ACTN4: variants seen among roughly 807,000 people sequenced by gnomAD.
ACTN4 encodes the protein actinin alpha 4, also known as alpha-actinin-4.
Under a neutral mutation model 114.2 loss-of-function variants are expected in ACTN4, and 18 were observed. That is an observed-to-expected ratio of 0.16 (90% CI 0.11 to 0.23). ACTN4 has a LOEUF of 0.23. Among genes scored for constraint, ACTN4 ranks in the 10% least tolerant of loss-of-function variants. The pLI is 1.00. For missense variants in ACTN4, 722 were observed against 1,262.9 expected (o/e 0.57, Z 6.49); for synonymous variants, 515 against 506.3 (o/e 1.02, Z -0.23).
intron 1 of ACTN4, among the ~76,000 whole-genome samples, chr19:38,666,228 C>CT (rs1267456726): frequency 6.6e-6 from 1 of 151,976 alleles, no homozygotes; most frequent in Non-Finnish European, 1.5e-5. Context: ...CCCTGTCCCC[C>CT]CCAAAAGCAA....
chr19:38,699,949 G>A (rs1357253005), intron 1 of ACTN4, among the ~76,000 whole-genome samples: 1 of 152,052 alleles, frequency 6.6e-6, no homozygotes, highest in Non-Finnish European at 1.5e-5. Flanking sequence ...AGAGAGACTC[G>A]AGGAAATCCT....
intron 1 of ACTN4, among the ~76,000 whole-genome samples, chr19:38,670,143 G>T (rs1967085433): frequency 6.6e-6 from 1 of 152,114 alleles, no homozygotes; most frequent in Admixed American, 6.6e-5. Flanking sequence ...TTCAGATAGG[G>T]TGGCTGGAAA....
rs74176459 is a variant in ACTN4, at chr19:38,730,130, CAA to C, written c.*711_*712del. 8 of 121,526 alleles carry C rather than the reference CAA, an allele frequency of 6.6e-5. No individual in the cohort carries two copies. The highest frequency in any genetic ancestry group is 1.6e-4 in the Admixed American group (2 of 12,540). The allele number at this position is 121,526 out of a possible 1,614,324, so 7.5% of individuals were successfully genotyped here. On this transcript the variant is annotated 3_prime_UTR_variant, in exon 21 of 21. Transcript: ENST00000252699. ...AAAAAAAACACAAAACAACAAAAAC[CAA>C]AAAAAAAAAAAATCACAAAAACAAA...
At chr19:38,712,241 C>G (rs1968680077) in intron 8 of ACTN4, among the ~76,000 whole-genome samples, 1 of 151,378 alleles carries the variant, frequency 6.6e-6, no homozygotes, top group African/African-American at 2.4e-5. Context: ...ATTCCTAAAA[C>G]TAGAAGGGGG....
intron 8 of ACTN4, chr19:38,711,239 C>T (rs770462757): frequency 1.7e-5 from 16 of 967,154 alleles, no homozygotes; most frequent in Non-Finnish European, 2.0e-5. Flanking sequence ...TTCACTCTCT[C>T]CTGCCTCTCT....
At chr19:38,712,344 C>G (rs1475397121) in intron 8 of ACTN4, among the ~76,000 whole-genome samples, 1 of 152,204 alleles carries the variant, frequency 6.6e-6, no homozygotes, top group Non-Finnish European at 1.5e-5. Flanking sequence ...TCTGCCACCT[C>G]TTGGTACTGT....
chr19:38,724,678 C>T lies in ACTN4; in HGVS notation c.2010+113C>T. On this transcript the variant is annotated intron_variant, in intron 16 of 20. Transcript: ENST00000252699. The surrounding 1 kb of genome is among the most constrained non-coding windows in gnomAD (Gnocchi z 7.0). Reference sequence around the variant, plus strand: ...GACTGAGGCGCCTGGCAGAGCAGGTCCCAATTCTCACCACCCAGGGGCCGT... The same window carrying T: ...GACTGAGGCGCCTGGCAGAGCAGGTTCCAATTCTCACCACCCAGGGGCCGT... 1 of 1,547,162 alleles carries T rather than the reference C, an allele frequency of 6.5e-7. No homozygotes were observed. The highest frequency in any genetic ancestry group is 8.8e-7 in the Non-Finnish European group (1 of 1,135,994).
Position 38,727,907 on chromosome 19 carries a change from CG to C in ACTN4, c.2338-38del, listed in dbSNP as rs748026934. 2.5e-6 allele frequency: 4 copies of C among 1,602,898 alleles called. No homozygotes were observed. The highest frequency in any genetic ancestry group is 3.4e-6 in the Non-Finnish European group (4 of 1,172,722). The stretch of plus-strand genomic sequence containing the variant: ...CGATCCCTCATCCTGGTCTCCACGC[CG>C]CCCCTCCCGCACACCTGCCTTCGGA... On this transcript the variant is annotated intron_variant, in intron 18 of 20. Transcript: ENST00000252699. This position sits in a 1 kb window ranked among gnomAD's most constrained non-coding sequence, Gnocchi z 5.4.
chr19:38,715,244 C>CG (rs1024428099), intron 9 of ACTN4, among the ~76,000 whole-genome samples: 1 of 152,200 alleles, frequency 6.6e-6, no homozygotes, highest in African/African-American at 2.4e-5. Flanking sequence ...CACCTGTAAT[C>CG]GCAGCATTTT....
At chr19:38,728,092 T>A in intron 19 of ACTN4, 66 bp downstream of exon 19, 2 of 1,538,802 alleles carry the variant, frequency 1.3e-6, no homozygotes, top group Non-Finnish European at 1.8e-6. Context: ...TCCTTCTCTC[T>A]TTCTCCCCTC....
rs2145107008 is a variant in ACTN4, at chr19:38,727,747, G to C, written c.2338-199G>C. On this transcript the variant is annotated intron_variant, in intron 18 of 20. Transcript: ENST00000252699. This position sits in a 1 kb window ranked among gnomAD's most constrained non-coding sequence, Gnocchi z 5.4. ...CTCTGCCTTCCTTTGAGCTTCCGAGGTTGGGGAAAGGATGAAAGGGGCCCG... is the reference window on the plus strand; with the variant it reads ...CTCTGCCTTCCTTTGAGCTTCCGAGCTTGGGGAAAGGATGAAAGGGGCCCG... 1 of 606,378 alleles carries C rather than the reference G, an allele frequency of 1.6e-6. No homozygotes were observed. Among genetic ancestry groups the C allele is most frequent in the Non-Finnish European group, 2.9e-6 (1 of 339,994 alleles). The allele number at this position is 606,378 out of a possible 1,614,324, so 37.6% of individuals were successfully genotyped here.
intron 11 of ACTN4, among the ~76,000 whole-genome samples, chr19:38,719,028 C>T (rs963594947): frequency 2.0e-5 from 3 of 152,248 alleles, no homozygotes; most frequent in Non-Finnish European, 2.9e-5. Context: ...GCCTCCTTCC[C>T]GGGCCTGGCT....
chr19:38,710,214 C>A (rs374145864), intron 7 of ACTN4, 43 bp from the exon 8 acceptor site: 8 of 1,605,626 alleles, frequency 5.0e-6, no homozygotes, highest in South Asian at 4.4e-5. Context: ...GCCTCCACCC[C>A]CCGCCCTACT....
In ACTN4 at chr19:38,724,582, C is replaced by T. The variant is rs1251099912; in HGVS notation, c.2010+17C>T. On this transcript the variant is annotated intron_variant, in intron 16 of 20. Transcript: ENST00000252699. This position sits in a 1 kb window ranked among gnomAD's most constrained non-coding sequence, Gnocchi z 7.0. ...AAGATGGAGGTGAGGCACGGCTGAG[C>T]CCCACAGAGCTGAGAAGGTTCCAAG... 6.2e-7 allele frequency: 1 copy of T among 1,613,126 alleles called. No individual in the cohort carries two copies. Among genetic ancestry groups the T allele is most frequent in the Non-Finnish European group, 8.5e-7 (1 of 1,179,910 alleles).
rs111478284 is a variant in ACTN4, at chr19:38,709,711, G to A, written c.733+235G>A. The stretch of plus-strand genomic sequence containing the variant: ...CAGATGCCTTCAGGGATGAAGAAGC[G>A]TATGGGGAGGGGGAGCTGAAGGATC... On this transcript the variant is annotated intron_variant, in intron 7 of 20. Coordinates refer to ENST00000252699, the MANE Select transcript of ACTN4 (RefSeq NM_004924.6). Among the ~76,000 whole-genome samples the A allele has an allele frequency of 4.1e-3, 617 of 152,314 alleles. 5 individuals carry two copies. Among genetic ancestry groups the A allele is most frequent in the Middle Eastern group, 0.014 (4 of 294 alleles).
chr19:38,674,535 T>C (rs1339186726), intron 1 of ACTN4, among the ~76,000 whole-genome samples: 1 of 152,074 alleles, frequency 6.6e-6, no homozygotes, highest in Non-Finnish European at 1.5e-5. Flanking sequence ...CTAACACAGC[T>C]CATTAAAGCA....
intron 8 of ACTN4, among the ~76,000 whole-genome samples, chr19:38,711,992 G>T (rs1322506827): frequency 6.6e-6 from 1 of 152,246 alleles, no homozygotes; most frequent in Non-Finnish European, 1.5e-5. Context: ...TTGCCTTGTG[G>T]TCTCTGAAGT....
At position 38,647,790 on chromosome 19, in the gene ACTN4, C is replaced by A; in HGVS notation, c.45C>A (p.Pro15=). Residue 15 remains proline (P), a synonymous_variant, in exon 1 of 21, where the codon CCC becomes CCA. Transcript: ENST00000252699. ...HAANQSYQYG[P]SSAGNGAGGG... ...CGAACCAGTCGTACCAGTACGGCCC[C>A]AGCAGCGCGGGCAATGGCGCTGGCG... 1 of 1,555,830 alleles carries A rather than the reference C, an allele frequency of 6.4e-7. No individual in the cohort carries two copies. Among genetic ancestry groups the A allele is most frequent in the East Asian group, 2.5e-5 (1 of 39,772 alleles).
At chr19:38,663,325 G>A (rs961621332) in intron 1 of ACTN4, among the ~76,000 whole-genome samples, 3 of 152,238 alleles carry the variant, frequency 2.0e-5, no homozygotes, top group African/African-American at 7.2e-5. Flanking sequence ...CCCTCGCTGG[G>A]CCCCTCTTCA....
Sources: allele counts gnomAD v4.1 joint callset (sites outside exome capture counted in the v4.1 genomes callset), GRCh38; gene constraint gnomAD v4.1.1; non-coding constraint Gnocchi (gnomAD v3.1); transcripts MANE v1.5; gene names NCBI Gene and HGNC (gene_info 2026-07-23, HGNC 2026-07-21).